The following PLCXD2 variants were observed in gnomAD, a reference collection of about 807,000 sequenced individuals.
PLCXD2 encodes PI-PLC X domain-containing protein 2.
PLCXD2 carries 21 observed loss-of-function variants against 28.6 expected under a neutral mutation model. The observed-to-expected ratio is 0.73, with a 90% CI of 0.52 to 1.06. The LOEUF (loss-of-function observed/expected upper bound fraction) is 1.06, where lower values mean the gene tolerates loss of function less well. Among genes scored for constraint, PLCXD2 ranks in the 50% least tolerant of loss-of-function variants. The pLI is 0.00. For missense variants in PLCXD2, 369 were observed against 376.7 expected (o/e 0.98, Z 0.17); for synonymous variants, 140 against 150.1 (o/e 0.93, Z 0.49).
chr3:111,705,778 CTA>C (rs1377302788), intron 1 of PLCXD2, among the ~76,000 whole-genome samples: 2 of 151,844 alleles, frequency 1.3e-5, no homozygotes, highest in Non-Finnish European at 2.9e-5. Context: ...GCATTGCTTC[CTA>C]TGTTTGTTTA....
intron 2 of PLCXD2, among the ~76,000 whole-genome samples, chr3:111,711,173 C>T (rs1196386584): frequency 6.6e-6 from 1 of 152,020 alleles, no homozygotes; most frequent in Admixed American, 6.6e-5. Context: ...TTTGGGAGGC[C>T]GAGGCTGATC....
At chr3:111,713,434 T>A in intron 2 of PLCXD2, among the ~76,000 whole-genome samples, 1 of 152,254 alleles carries the variant, frequency 6.6e-6, no homozygotes, top group Non-Finnish European at 1.5e-5. Flanking sequence ...GAGATACCAC[T>A]TATGCTTATC....
rs550362511 is a variant in PLCXD2, at chr3:111,703,725, T to C, written c.164-4201T>C. Among the ~76,000 whole-genome samples, 3 of 152,360 alleles carry C rather than the reference T, an allele frequency of 2.0e-5. No individual in the cohort carries two copies. The South Asian group carries it at 6.2e-4, about 32-fold the overall frequency. On this transcript the variant is annotated intron_variant, in intron 1 of 4. Transcript: ENST00000477665. Reference sequence around the variant, plus strand: ...TCAATGAGGAGGTATAAAAATTTCCTGTTGCTATACAGCCAAAGGAAGCAG... The same window carrying C: ...TCAATGAGGAGGTATAAAAATTTCCCGTTGCTATACAGCCAAAGGAAGCAG...
chr3:111,699,022 G>A (rs1941004404), intron 1 of PLCXD2, among the ~76,000 whole-genome samples: 1 of 152,176 alleles, frequency 6.6e-6, no homozygotes, highest in South Asian at 2.1e-4. Flanking sequence ...TGGGGAGAGT[G>A]GGATCAGTGA....
intron 1 of PLCXD2, among the ~76,000 whole-genome samples, chr3:111,695,540 G>A (rs1940949067): frequency 6.6e-6 from 1 of 152,230 alleles, no homozygotes. Context: ...CTGTGAAACT[G>A]CAACAGGCAT....
At chr3:111,696,371 A>T (rs1283836541) in intron 1 of PLCXD2, among the ~76,000 whole-genome samples, 1 of 152,146 alleles carries the variant, frequency 6.6e-6, no homozygotes, top group Non-Finnish European at 1.5e-5. Flanking sequence ...CACCTTTAAT[A>T]TCTTTTTGCT....
chr3:111,717,325 C>T (rs1941279937), intron 3 of PLCXD2, among the ~76,000 whole-genome samples: 1 of 152,028 alleles, frequency 6.6e-6, no homozygotes, highest in South Asian at 2.1e-4. Flanking sequence ...CCCAGCTGGG[C>T]CCCAAGGTCA....
intron 1 of PLCXD2, chr3:111,676,735 C>T (rs908520749): frequency 6.6e-6 from 1 of 152,230 alleles, no homozygotes; most frequent in South Asian, 2.1e-4. Flanking sequence ...CCACTTTTAA[C>T]ATTAGTCATT....
rs1334077596 is a variant in PLCXD2 at position 111,713,961 on chromosome 3, C to T, written c.699C>T (p.Pro233=). The T allele has an allele frequency of 6.2e-7, 1 of 1,614,150 alleles. No homozygotes were observed. The highest frequency in any genetic ancestry group is 1.7e-5 in the Admixed American group (1 of 60,024). The change falls in exon 3 of 5, where the codon CCC becomes CCT. Residue 233 remains proline, a synonymous_variant. Coordinates refer to ENST00000477665, the MANE Select transcript of PLCXD2 (RefSeq NM_001185106.1). ...GGCCAGGAAAGAAGATTCCAGCGCC[C>T]TGGGCAAACACCACAAGTGTGCGCA...
chr3:111,720,856 G>A (rs1941336738), intron 3 of PLCXD2: 2 of 416,700 alleles, frequency 4.8e-6, no homozygotes, highest in South Asian at 1.3e-4. Context: ...CCTCCTACAG[G>A]AGGACACAGC....
At chr3:111,699,639 A>T (rs1941012573) in intron 1 of PLCXD2, among the ~76,000 whole-genome samples, 1 of 152,162 alleles carries the variant, frequency 6.6e-6, no homozygotes, top group Admixed American at 6.5e-5. Context: ...CTGAGTAAAA[A>T]TCTTGCTAAC....
chr3:111,714,957 T>C (rs1941249151), intron 3 of PLCXD2, among the ~76,000 whole-genome samples: 1 of 152,186 alleles, frequency 6.6e-6, no homozygotes, highest in South Asian at 2.1e-4. Flanking sequence ...ATCAGTTTGG[T>C]CCCTGAGTTT....
intron 1 of PLCXD2, among the ~76,000 whole-genome samples, chr3:111,699,175 T>G (rs1941006245): frequency 6.6e-6 from 1 of 152,140 alleles, no homozygotes; most frequent in South Asian, 2.1e-4. Context: ...CCTACCCAGA[T>G]GGGGAGTTTC....
At chr3:111,678,843 A>C (rs1319371713) in intron 1 of PLCXD2, among the ~76,000 whole-genome samples, 2 of 152,166 alleles carry the variant, frequency 1.3e-5, no homozygotes, top group Non-Finnish European at 2.9e-5. Context: ...TGATTGGGTC[A>C]TTTTAGGTCT....
At chr3:111,724,211 G>A (rs944512709) in intron 3 of PLCXD2, 3 of 152,116 alleles carry the variant, frequency 2.0e-5, no homozygotes, top group Admixed American at 2.0e-4. Context: ...ATTAGTGGCA[G>A]ACCTCCAAGA....
chr3:111,689,026 C>T (rs1319445081), intron 1 of PLCXD2, among the ~76,000 whole-genome samples: 3 of 151,700 alleles, frequency 2.0e-5, no homozygotes, highest in African/African-American at 7.3e-5. Context: ...AAGAGATATA[C>T]AAGAGTTCAA....
At chr3:111,684,295 A>G (rs913535985) in intron 1 of PLCXD2, among the ~76,000 whole-genome samples, 11 of 148,878 alleles carry the variant, frequency 7.4e-5, no homozygotes, top group Middle Eastern at 3.6e-3. Context: ...GCGCCATTGC[A>G]CTCCAGACTG....
At chr3:111,677,488 A>G (rs1940642116) in intron 1 of PLCXD2, 1 of 152,194 alleles carries the variant, frequency 6.6e-6, no homozygotes, top group African/African-American at 2.4e-5. Context: ...GCATCATAAT[A>G]GCTATTATGT....
At position 111,708,057 on chromosome 3, in the gene PLCXD2, A is replaced by T. The variant is rs1330630113; in HGVS notation, c.295A>T (p.Asn99Tyr). Residue 99 changes from asparagine to tyrosine, a missense_variant, in exon 2 of 5, where the codon AAC becomes TAC. By Grantham distance (143) the Asn-to-Tyr change is moderately radical (BLOSUM62 -2). Coordinates refer to ENST00000477665, the MANE Select transcript of PLCXD2 (RefSeq NM_001185106.1). ...AATGAAGAAGTGGTCTGTGACTCAG[A>T]ACCTGACATTTCGAGAACAGCTGGA... The T allele has an allele frequency of 4.3e-6, 7 of 1,614,074 alleles. No individual in the cohort carries two copies. Among genetic ancestry groups the T allele is most frequent in the African/African-American group, 2.7e-5 (2 of 74,922 alleles).
Sources: gnomAD v4.1 joint callset for allele counts (sites outside exome capture counted in the v4.1 genomes callset) on GRCh38, gnomAD v4.1.1 for gene constraint, MANE v1.5 for transcripts, NCBI Gene and HGNC (gene_info 2026-07-23, HGNC 2026-07-21) for gene names.